The following BLTP1 variants were observed in gnomAD, a reference collection of about 807,000 sequenced individuals.
BLTP1 encodes the protein fragile site-associated protein.
At chr4:122,173,700 G>A in the BLTP1 span, among the ~76,000 whole-genome samples, 3 of 152,126 alleles carry the variant, frequency 2.0e-5, no homozygotes, top group South Asian at 6.2e-4. Context: ...CTCTCACACA[G>A]CACTCCATTA....
At chr4:122,154,361 G>C in the BLTP1 span, 1 of 984,716 alleles carries the variant, frequency 1.0e-6, no homozygotes, top group Non-Finnish European at 1.2e-6. Context: ...ATATTGCTAG[G>C]GAATGGGGGT....
chr4:122,189,547 A>T, the BLTP1 span: 5 of 781,994 alleles, frequency 6.4e-6, no homozygotes, highest in African/African-American at 7.5e-5. Flanking sequence ...ACAGATAGAT[A>T]AAATGATACT....
the BLTP1 span, among the ~76,000 whole-genome samples, chr4:122,228,015 G>T: frequency 2.0e-5 from 3 of 151,120 alleles, no homozygotes; most frequent in Non-Finnish European, 4.4e-5. Context: ...CTGGGTTCAT[G>T]CCACTCTCTT....
At chr4:122,234,425 A>G in the BLTP1 span, among the ~76,000 whole-genome samples, 1 of 152,122 alleles carries the variant, frequency 6.6e-6, no homozygotes, top group African/African-American at 2.4e-5. Context: ...TAGTGTCTTA[A>G]AATTTTAGTG....
chr4:122,226,664 A>T, the BLTP1 span: 4 of 1,609,698 alleles, frequency 2.5e-6, no homozygotes. Context: ...ACCCTTGTTT[A>T]GAATGCTAAC....
chr4:122,201,778 G>C, the BLTP1 span: 1 of 720,118 alleles, frequency 1.4e-6, no homozygotes, highest in Non-Finnish European at 1.7e-6. Flanking sequence ...GGGTCAGTTG[G>C]CTGTTCCACA....
chr4:122,215,739 C>T, the BLTP1 span, among the ~76,000 whole-genome samples: 3 of 152,120 alleles, frequency 2.0e-5, no homozygotes, highest in Middle Eastern at 3.4e-3. Flanking sequence ...TTTTTGGTTA[C>T]GTGGATAAGT....
chr4:122,283,837 T>A, the BLTP1 span, among the ~76,000 whole-genome samples: 3 of 152,146 alleles, frequency 2.0e-5, no homozygotes, highest in Non-Finnish European at 4.4e-5. Flanking sequence ...TCAGTTTAAG[T>A]TCCCTGAAAA....
At chr4:122,347,708 T>A in the BLTP1 span, 1 of 1,613,792 alleles carries the variant, frequency 6.2e-7, no homozygotes. Flanking sequence ...CCAGGGACAG[T>A]AGGACAGAGC....
At chr4:122,169,827 A>G in the BLTP1 span, 2 of 984,906 alleles carry the variant, frequency 2.0e-6, no homozygotes, top group East Asian at 1.1e-4. Context: ...CAGACTACCT[A>G]GAGTGAATCT....
chr4:122,245,224 A>G, the BLTP1 span: 2 of 1,232,366 alleles, frequency 1.6e-6, no homozygotes, highest in Non-Finnish European at 2.3e-6. Context: ...AATTTTCTTT[A>G]CAAGTTAAAT....
At chr4:122,345,964 G>A in the BLTP1 span, 1 of 958,640 alleles carries the variant, frequency 1.0e-6, no homozygotes, top group Non-Finnish European at 1.2e-6. Flanking sequence ...CATTAACTTA[G>A]AAAATAAAGA....
At chr4:122,241,331 A>C in the BLTP1 span, among the ~76,000 whole-genome samples, 1 of 152,224 alleles carries the variant, frequency 6.6e-6, no homozygotes, top group African/African-American at 2.4e-5. Context: ...CTGGAGACCT[A>C]AGCAAAGGCT....
the BLTP1 span, chr4:122,251,125 G>A: frequency 1.0e-6 from 1 of 983,318 alleles, no homozygotes; most frequent in Non-Finnish European, 1.2e-6. Context: ...CTGGTGACCT[G>A]GGGCAAGTTC....
the BLTP1 span, chr4:122,277,345 C>T: frequency 1.6e-6 from 1 of 638,572 alleles, no homozygotes; most frequent in Non-Finnish European, 1.9e-6. Context: ...TCTTAAAAAA[C>T]AAATAATGTA....
At chr4:122,185,817 AGTT>A in the BLTP1 span, among the ~76,000 whole-genome samples, 2 of 152,112 alleles carry the variant, frequency 1.3e-5, no homozygotes, top group African/African-American at 4.8e-5. Flanking sequence ...TAGAAATTAA[AGTT>A]GTTTTTAGAA....
the BLTP1 span, chr4:122,316,335 G>C: frequency 2.1e-6 from 1 of 467,638 alleles, no homozygotes; most frequent in African/African-American, 2.0e-5. Flanking sequence ...TAATATTACT[G>C]TTTATTACTT....
At chr4:122,159,518 CGTT>C in the BLTP1 span, among the ~76,000 whole-genome samples, 1 of 151,458 alleles carries the variant, frequency 6.6e-6, no homozygotes, top group Non-Finnish European at 1.5e-5. Flanking sequence ...ACATTTTAAT[CGTT>C]GTTTACTGCC....
At chr4:122,240,208 A>G in the BLTP1 span, 1 of 1,614,178 alleles carries the variant, frequency 6.2e-7, no homozygotes, top group Non-Finnish European at 8.5e-7. Context: ...TACCTTACTC[A>G]GTTCCAGGTA....
Sources: allele counts gnomAD v4.1 joint callset (sites outside exome capture counted in the v4.1 genomes callset), GRCh38; gene constraint gnomAD v4.1.1; transcripts MANE v1.5; gene names NCBI Gene and HGNC (gene_info 2026-07-23, HGNC 2026-07-21).